The following COPS5 variants were observed in gnomAD, a reference collection of about 807,000 sequenced individuals.
COPS5 encodes the protein COP9 signalosome subunit 5, also known as COP9 signalosome complex subunit 5.
COPS5 carries 8 observed loss-of-function variants against 44.4 expected under a neutral mutation model. The ratio of observed to expected loss-of-function variants is 0.18; its 90% CI spans 0.11 to 0.32. The LOEUF (loss-of-function observed/expected upper bound fraction) is 0.32, where lower values mean the gene tolerates loss of function less well. Ranked by LOEUF, COPS5 falls within the 10% of genes least tolerant of loss-of-function variation. COPS5 has a pLI of 1.00. For missense variants in COPS5, 159 were observed against 406.4 expected (o/e 0.39, Z 5.23); for synonymous variants, 122 against 142.8 (o/e 0.85, Z 1.04).
intron 4 of COPS5, 69 bp downstream of exon 4, chr8:67,057,311 T>C (rs1804527620): frequency 9.8e-7 from 1 of 1,024,554 alleles, no homozygotes; most frequent in Non-Finnish European, 1.5e-6. Context: ...ATCATGCCTG[T>C]GAATAGCCAC....
rs187584045 is a variant in COPS5, at chr8:67,057,605, A to T, written c.508-160T>A. On this transcript the variant is annotated intron_variant, in intron 3 of 7. Transcript: ENST00000357849. ...AACCATAAAAGTTCAGTAAGAGGGT[A>T]ATATAAGTGTCTCACAGCTAACTTA... is the stretch of plus-strand genomic sequence containing the variant. Among the ~76,000 whole-genome samples, 593 of 152,364 alleles carry T rather than the reference A, an allele frequency of 3.9e-3. 3 individuals carry two copies. The highest frequency in any genetic ancestry group is 0.014 in the African/African-American group (563 of 41,594).
Position 67,045,807 on chromosome 8 carries a change from C to T in COPS5, c.920+5G>A. ...GCAACAGGAATCTTATAGATTTACT[C>T]TTACCTGTCTCTTGTAGCTTTGGCA... On this transcript the variant is annotated splice_donor_5th_base_variant and intron_variant, in intron 7 of 7. Transcript: ENST00000357849. 1 of 1,614,112 alleles carries T rather than the reference C, an allele frequency of 6.2e-7. No individual in the cohort carries two copies. The highest frequency in any genetic ancestry group is 1.6e-4 in the Middle Eastern group (1 of 6,062).
chr8:67,043,486 G>A, intron 7 of COPS5, 169 bp from the exon 8 acceptor site: 1 of 495,280 alleles, frequency 2.0e-6, no homozygotes. Context: ...TCTTCCCCAT[G>A]TCTTTTTGAC....
rs924954280 is a variant in COPS5 at position 67,057,982 on chromosome 8, C to G, written c.507+101G>C. The G allele has an allele frequency of 1.9e-5, 24 of 1,266,850 alleles. No individual in the cohort carries two copies. In the Admixed American group the frequency reaches 3.9e-4, roughly 21 times the overall value. The allele number at this position is 1,266,850 out of a possible 1,614,324, so 78.5% of individuals were successfully genotyped here. On this transcript the variant is annotated intron_variant, in intron 3 of 7. Coordinates refer to ENST00000357849, the MANE Select transcript of COPS5 (RefSeq NM_006837.3). ...ACATTGAAACCTAGGCAGACTGATACCAGAGCAATTTCTCTTTACTACACT... is the reference window on the plus strand; with the variant it reads ...ACATTGAAACCTAGGCAGACTGATAGCAGAGCAATTTCTCTTTACTACACT...
At chr8:67,060,547 T>A in intron 1 of COPS5, 1 of 1,275,572 alleles carries the variant, frequency 7.8e-7, no homozygotes, top group Non-Finnish European at 1.0e-6. Flanking sequence ...CTCCCTTTAC[T>A]GGAGAAAAGA....
chr8:67,053,237 C>T (rs1008795593), intron 5 of COPS5, among the ~76,000 whole-genome samples: 1 of 151,702 alleles, frequency 6.6e-6, no homozygotes, highest in Non-Finnish European at 1.5e-5. Context: ...TTACAGGCGC[C>T]CACCACCATG....
intron 6 of COPS5, among the ~76,000 whole-genome samples, chr8:67,046,839 A>C (rs1337708678): frequency 1.3e-5 from 2 of 150,992 alleles, no homozygotes; most frequent in Non-Finnish European, 3.0e-5. Flanking sequence ...AAAAAAAAAA[A>C]AAAAAAAAAC....
Position 67,057,545 on chromosome 8 carries a change from T to G in COPS5, c.508-100A>C, listed in dbSNP as rs555533389. On this transcript the variant is annotated intron_variant, in intron 3 of 7. Coordinates refer to ENST00000357849, the MANE Select transcript of COPS5 (RefSeq NM_006837.3). ...ATGTATACATACATATAACACTATA[T>G]ACATACATAATAACCAAATAAGAAT... is the stretch of plus-strand genomic sequence containing the variant. 1.0e-5 allele frequency: 7 copies of G among 687,684 alleles called. No homozygotes were observed. In the Admixed American group the frequency reaches 1.1e-4, roughly 11 times the overall value. The allele number at this position is 687,684 out of a possible 1,614,324, so 42.6% of individuals were successfully genotyped here.
Position 67,062,110 on chromosome 8 carries a change from A to G in COPS5, c.-114T>C, listed in dbSNP as rs563329721. 5.3e-5 allele frequency: 82 copies of G among 1,560,686 alleles called. 1 individual carries two copies. In the East Asian group the frequency reaches 1.8e-3, roughly 35 times the overall value. The stretch of plus-strand genomic sequence containing the variant: ...ACCACGGGAACAAACTCTTACCTAG[A>G]CTCTTGGGGCAGCCATGACACCTAG... On this transcript the variant is annotated 5_prime_UTR_variant, in exon 1 of 8. Transcript: ENST00000357849.
chr8:67,051,344 A>G lies in COPS5; in HGVS notation c.660-3T>C. 2.6e-6 allele frequency: 4 copies of G among 1,535,734 alleles called. No homozygotes were observed. Among genetic ancestry groups the G allele is most frequent in the Non-Finnish European group, 3.6e-6 (4 of 1,120,848 alleles). ...ATGAGACTTCTAAGGCATAATATCT[A>G]TGAAATAAAAGCATAAAATTTAGTA... On this transcript the variant is annotated splice_region_variant and splice_polypyrimidine_tract_variant and intron_variant, in intron 5 of 7. Transcript: ENST00000357849.
chr8:67,056,649 AAAAATATATATATATATATATAT>A lies in COPS5; in HGVS notation c.574-68_574-46del, dbSNP rs1201552661. 313 of 76,984 alleles carry A rather than the reference AAAAATATATATATATATATATAT, an allele frequency of 4.1e-3. 18 individuals carry two copies. Among genetic ancestry groups the A allele is most frequent in the Admixed American group, 6.9e-3 (32 of 4,624 alleles). The allele number at this position is 76,984 out of a possible 1,614,324, so 4.8% of individuals were successfully genotyped here. ...ACAGAAGATTAAGAAAAAAAAAAAA[AAAAATATATATATATATATATAT>A]ATATATATATATATATATATATATA... On this transcript the variant is annotated intron_variant, in intron 4 of 7. Coordinates refer to ENST00000357849, the MANE Select transcript of COPS5 (RefSeq NM_006837.3).
intron 5 of COPS5, 141 bp from the exon 6 acceptor site, chr8:67,051,482 TA>T: frequency 1.7e-6 from 1 of 581,482 alleles, no homozygotes; most frequent in Middle Eastern, 4.6e-4. Flanking sequence ...AGGCAATAGC[TA>T]ACCATGGTTT....
In COPS5 at chr8:67,061,933, C is replaced by G; in HGVS notation, c.64G>C (p.Ala22Pro). 6.2e-7 allele frequency: 1 copy of G among 1,614,258 alleles called. No homozygotes were observed. The highest frequency in any genetic ancestry group is 8.5e-7 in the Non-Finnish European group (1 of 1,180,056). Residue 22 changes from alanine (A) to proline (P), a missense_variant, in exon 1 of 8, where the codon GCT becomes CCT. Ala to Pro is a conservative substitution (Grantham distance 27). This residue lies in a region of COPS5 where 25 missense variants were observed against 29.7 expected (regional missense o/e 0.84). Transcript: ENST00000357849. ...TTGTAGATTTCATCGATACTCTGAG[C>G]TTCCTGCATGTTGTTGGCCAGTTCC... Reference protein sequence around the residue: ...TWELANNMQEAQSIDEIYKYD... With the variant: ...TWELANNMQEPQSIDEIYKYD...
chr8:67,049,764 T>TG (rs1804371230), intron 6 of COPS5, among the ~76,000 whole-genome samples: 2 of 152,318 alleles, frequency 1.3e-5, no homozygotes, highest in African/African-American at 4.8e-5. Flanking sequence ...AACTTCTAAG[T>TG]GCCGGTCCTG....
At chr8:67,051,015 C>G (rs947115619) in intron 6 of COPS5, among the ~76,000 whole-genome samples, 1 of 152,052 alleles carries the variant, frequency 6.6e-6, no homozygotes, top group Non-Finnish European at 1.5e-5. Context: ...TCTGGACACT[C>G]TGTTTGCTAC....
chr8:67,047,198 G>A (rs1816712282), intron 6 of COPS5, among the ~76,000 whole-genome samples: 1 of 152,198 alleles, frequency 6.6e-6, no homozygotes, highest in South Asian at 2.1e-4. Flanking sequence ...TATTTGCTCA[G>A]TTTGCAAGGA....
At position 67,056,524 on chromosome 8, in the gene COPS5, G is replaced by A. The variant is rs771734806; in HGVS notation, c.654C>T (p.Cys218=). ...TATGTTTTTAAATTACTTACTGTTT[G>A]CAGTGTACACCAAAATCTTCTATTT... ...LNKIEDFGVH[C]KQYYALEVSY... is the part of the protein sequence containing the mutation. The change falls in exon 5 of 8, where the codon TGC becomes TGT. Residue 218 remains cysteine (C), a synonymous_variant. Coordinates refer to ENST00000357849, the MANE Select transcript of COPS5 (RefSeq NM_006837.3). 10 of 1,263,020 alleles carry A rather than the reference G, an allele frequency of 7.9e-6. No homozygotes were observed. Among genetic ancestry groups the A allele is most frequent in the Non-Finnish European group, 1.1e-5 (10 of 894,456 alleles). The allele number at this position is 1,263,020 out of a possible 1,614,324, so 78.2% of individuals were successfully genotyped here. A position where few individuals can be genotyped will look rare whatever the true frequency, so the allele number is the denominator to read the frequency against.
chr8:67,059,014 A>AAAC (rs980048428), intron 2 of COPS5, among the ~76,000 whole-genome samples, 197 bp downstream of exon 2: 3 of 151,794 alleles, frequency 2.0e-5, no homozygotes, highest in African/African-American at 7.3e-5. Flanking sequence ...GAAAAAAAAA[A>AAAC]AACAACAACA....
Position 67,059,396 on chromosome 8 carries a change from T to A in COPS5, c.193A>T (p.Met65Leu). The change falls in exon 2 of 8, where the codon ATG becomes TTG. Residue 65 changes from methionine (M) to leucine (L), a missense_variant. By Grantham distance (15) the Met-to-Leu change is conservative. Transcript: ENST00000357849. ...CCTCCCGATCTGGCATGCATCACCA[T>A]CTTCAGCAGAGCCAATGCTGAGATT... is the stretch of plus-strand genomic sequence containing the variant. ...CKISALALLK[M>L]VMHARSGGNL... 1 of 1,614,188 alleles carries A rather than the reference T, an allele frequency of 6.2e-7. No homozygotes were observed. Among genetic ancestry groups the A allele is most frequent in the Non-Finnish European group, 8.5e-7 (1 of 1,180,032 alleles).
Sources: allele counts gnomAD v4.1 joint callset (sites outside exome capture counted in the v4.1 genomes callset), GRCh38; gene constraint gnomAD v4.1.1; regional missense constraint gnomAD v4.1.1; transcripts MANE v1.5; gene names NCBI Gene and HGNC (gene_info 2026-07-23, HGNC 2026-07-21).